Variants in ADAMTS9 observed in about 807,000 individuals in gnomAD.
ADAMTS9 encodes ADAM metallopeptidase with thrombospondin type 1 motif 9, also known as A disintegrin and metalloproteinase with thrombospondin motifs 9.
In ADAMTS9, 107 loss-of-function variants were observed where a neutral mutation model predicts 257.1. The observed-to-expected ratio is 0.42, with a 90% CI of 0.36 to 0.49. The LOEUF (loss-of-function observed/expected upper bound fraction) is 0.49, where lower values mean the gene tolerates loss of function less well. Ranked by LOEUF, ADAMTS9 falls within the 20% of genes least tolerant of loss-of-function variation. The pLI is 0.03. For missense variants in ADAMTS9, 2,353 were observed against 2,469.1 expected (o/e 0.95, Z 1.00); for synonymous variants, 982 against 880.9 (o/e 1.11, Z -2.03).
chr3:64,615,052 A>T (rs2084735736), intron 21 of ADAMTS9: 2 of 340,708 alleles, frequency 5.9e-6, no homozygotes, highest in Non-Finnish European at 1.1e-5. Flanking sequence ...AGGGAAGGTG[A>T]TGGACTGCAA....
intron 28 of ADAMTS9, among the ~76,000 whole-genome samples, chr3:64,577,903 C>T (rs1163194262): frequency 1.3e-5 from 2 of 152,212 alleles, no homozygotes; most frequent in African/African-American, 4.8e-5. Flanking sequence ...TCAGTTGCTT[C>T]CTCCAGTCTT....
intron 28 of ADAMTS9, among the ~76,000 whole-genome samples, chr3:64,578,588 C>T (rs949257882): frequency 1.3e-5 from 2 of 152,158 alleles, no homozygotes; most frequent in Non-Finnish European, 2.9e-5. Flanking sequence ...TTAACCACTG[C>T]AAACATCTAT....
At chr3:64,665,953 T>A (rs972749944) in intron 3 of ADAMTS9, among the ~76,000 whole-genome samples, 1 of 152,182 alleles carries the variant, frequency 6.6e-6, no homozygotes, top group Non-Finnish European at 1.5e-5. Context: ...TTTAAAAAAA[T>A]TCACTCGTGG....
intron 22 of ADAMTS9, among the ~76,000 whole-genome samples, chr3:64,613,056 A>C (rs1438147124): frequency 6.6e-6 from 1 of 152,184 alleles, no homozygotes; most frequent in Non-Finnish European, 1.5e-5. Flanking sequence ...TCAGCCAGAC[A>C]TGAAATCTGT....
chr3:64,635,005 C>T (rs1379431794), intron 12 of ADAMTS9, among the ~76,000 whole-genome samples: 2 of 152,158 alleles, frequency 1.3e-5, no homozygotes, highest in Non-Finnish European at 2.9e-5. Context: ...TCTTCCTGAG[C>T]TTCAATTTTT....
intron 2 of ADAMTS9, among the ~76,000 whole-genome samples, chr3:64,681,909 G>C (rs138266961): frequency 9.8e-5 from 15 of 152,294 alleles, no homozygotes; most frequent in African/African-American, 2.6e-4. Context: ...GCTGTCGAAA[G>C]AGTCTTGGAA....
chr3:64,604,216 C>T lies in ADAMTS9; in HGVS notation c.3579+11G>A. 6.2e-7 allele frequency: 1 copy of T among 1,608,636 alleles called. No homozygotes were observed. The highest frequency in any genetic ancestry group is 8.5e-7 in the Non-Finnish European group (1 of 1,176,306). ...TCCTGCCCTCCCCATTTCTCCCAGTCTATTTCTTACTGGGGTCCAAGACCC... is the reference window on the plus strand; with the variant it reads ...TCCTGCCCTCCCCATTTCTCCCAGTTTATTTCTTACTGGGGTCCAAGACCC... On this transcript the variant is annotated intron_variant, in intron 24 of 39. Transcript: ENST00000498707.
chr3:64,651,305 A>G, intron 8 of ADAMTS9, 142 bp from the exon 9 acceptor site: 1 of 608,896 alleles, frequency 1.6e-6, no homozygotes, highest in Non-Finnish European at 2.7e-6. Context: ...TAAGCAGAAT[A>G]AAATGTAAGA....
Position 64,687,301 on chromosome 3 carries a change from G to A in ADAMTS9, c.115+242C>T, listed in dbSNP as rs1448346399. On this transcript the variant is annotated intron_variant, in intron 1 of 39. Transcript: ENST00000498707. This position sits in a 1 kb window ranked among gnomAD's most constrained non-coding sequence, Gnocchi z 4.4. ...AGTTACTTTAGTTTGCGGCGTGGGAGTGGGGATGGGGATATATCTGGCAAC... is the reference window on the plus strand; with the variant it reads ...AGTTACTTTAGTTTGCGGCGTGGGAATGGGGATGGGGATATATCTGGCAAC... Among the ~76,000 whole-genome samples the A allele has an allele frequency of 6.6e-6, 1 of 152,208 alleles. No homozygotes were observed. Among genetic ancestry groups the A allele is most frequent in the Non-Finnish European group, 1.5e-5 (1 of 68,046 alleles).
chr3:64,537,399 T>A (rs999571607), intron 37 of ADAMTS9, among the ~76,000 whole-genome samples: 2 of 152,152 alleles, frequency 1.3e-5, no homozygotes, highest in Admixed American at 6.5e-5. Flanking sequence ...CAGATACCAA[T>A]GGGGTTTTTG....
At chr3:64,622,977 G>C (rs929478729) in intron 16 of ADAMTS9, among the ~76,000 whole-genome samples, 2 of 152,144 alleles carry the variant, frequency 1.3e-5, no homozygotes, top group African/African-American at 4.8e-5. Flanking sequence ...TTACAAAATT[G>C]GTTCCTAGAC....
At chr3:64,601,043 G>A (rs1442132712) in intron 26 of ADAMTS9, among the ~76,000 whole-genome samples, 2 of 151,954 alleles carry the variant, frequency 1.3e-5, no homozygotes, top group East Asian at 3.9e-4. Flanking sequence ...AACATGTCTG[G>A]TATTGCACAG....
chr3:64,672,398 A>T lies in ADAMTS9; in HGVS notation c.679+8803T>A, dbSNP rs1434677130. 2.0e-5 allele frequency among the ~76,000 whole-genome samples: 3 copies of T among 152,218 alleles called. No individual in the cohort carries two copies. In the South Asian group the frequency reaches 6.2e-4, roughly 32 times the overall value. ...TCCAGAAGCTTAATTAAAAAGTTTTAGGGGCCAAGTGTGGTGGCTCATGCC... is the reference window on the plus strand; with the variant it reads ...TCCAGAAGCTTAATTAAAAAGTTTTTGGGGCCAAGTGTGGTGGCTCATGCC... On this transcript the variant is annotated intron_variant, in intron 3 of 39. Coordinates refer to ENST00000498707, the MANE Select transcript of ADAMTS9 (RefSeq NM_182920.2).
At chr3:64,641,405 G>A (rs1433660910) in intron 12 of ADAMTS9, among the ~76,000 whole-genome samples, 6 of 151,002 alleles carry the variant, frequency 4.0e-5, no homozygotes, top group African/African-American at 1.5e-4. Flanking sequence ...GTGCCATGCT[G>A]GTGTGCTGCA....
intron 28 of ADAMTS9, among the ~76,000 whole-genome samples, chr3:64,591,029 C>T (rs1024930967): frequency 6.6e-6 from 1 of 152,092 alleles, no homozygotes; most frequent in Non-Finnish European, 1.5e-5. Flanking sequence ...TGCTGTGGTT[C>T]GATAGTATAG....
At chr3:64,568,135 T>G (rs1372648095) in intron 29 of ADAMTS9, among the ~76,000 whole-genome samples, 1 of 152,122 alleles carries the variant, frequency 6.6e-6, no homozygotes, top group Non-Finnish European at 1.5e-5. Flanking sequence ...CACTTAGAAT[T>G]CACCCTCACA....
chr3:64,536,334 G>T (rs925746884), intron 37 of ADAMTS9, among the ~76,000 whole-genome samples: 1 of 152,134 alleles, frequency 6.6e-6, no homozygotes, highest in Non-Finnish European at 1.5e-5. Flanking sequence ...GGACATCTTT[G>T]CCCTTAAAGG....
At chr3:64,631,590 G>A (rs1000763620) in intron 15 of ADAMTS9, 40 bp from the exon 16 acceptor site, 1 of 1,515,046 alleles carries the variant, frequency 6.6e-7, no homozygotes, top group Admixed American at 1.7e-5. Context: ...TCCACAGAAT[G>A]GTTCACTTTC....
At chr3:64,530,411 C>A (rs981145901) in intron 38 of ADAMTS9, among the ~76,000 whole-genome samples, 1 of 151,682 alleles carries the variant, frequency 6.6e-6, no homozygotes, top group South Asian at 2.1e-4. Context: ...TCCAGACAGC[C>A]GGGGGCTAGA....
Sources: gnomAD v4.1 joint callset for allele counts (sites outside exome capture counted in the v4.1 genomes callset) on GRCh38, gnomAD v4.1.1 for gene constraint, Gnocchi (gnomAD v3.1) non-coding constraint, MANE v1.5 for transcripts, NCBI Gene and HGNC (gene_info 2026-07-23, HGNC 2026-07-21) for gene names.